CNTN5: variants seen among roughly 807,000 people sequenced by gnomAD.
The protein encoded by CNTN5 is contactin-5.
CNTN5 carries 77 observed loss-of-function variants against 129.1 expected under a neutral mutation model. The ratio of observed to expected loss-of-function variants is 0.60; its 90% CI spans 0.50 to 0.72. The LOEUF is 0.72. Among genes scored for constraint, CNTN5 ranks in the 30% least tolerant of loss-of-function variants. The pLI is 0.00. For synonymous variants in CNTN5, 509 were observed against 465.6 expected (o/e 1.09, Z -1.20); for missense variants, 1,478 against 1,328.8 (o/e 1.11, Z -1.75).
At chr11:99,297,347 A>G (rs1224850101) in intron 1 of CNTN5, among the ~76,000 whole-genome samples, 1 of 152,106 alleles carries the variant, frequency 6.6e-6, no homozygotes, top group Non-Finnish European at 1.5e-5. Context: ...TCATCTCTCA[A>G]GTTTCCCCTT....
intron 1 of CNTN5, among the ~76,000 whole-genome samples, chr11:99,113,001 T>C (rs1857873083): frequency 1.3e-5 from 2 of 152,066 alleles, no homozygotes. Context: ...AAAGTTCATG[T>C]CAAATCTAAA....
chr11:100,130,800 T>C (rs1946349770), intron 13 of CNTN5, among the ~76,000 whole-genome samples: 1 of 152,184 alleles, frequency 6.6e-6, no homozygotes, highest in African/African-American at 2.4e-5. Flanking sequence ...GTTAAAGAGA[T>C]GGCATGATCC....
intron 2 of CNTN5, among the ~76,000 whole-genome samples, chr11:99,530,900 G>T (rs113238743): frequency 0.26 from 38,935 of 152,048 alleles, 5,367 homozygotes; most frequent in Non-Finnish European, 0.31. Flanking sequence ...TCTTCCCACT[G>T]TTGGGCATGT....
chr11:100,069,001 A>G (rs6590574), intron 10 of CNTN5, among the ~76,000 whole-genome samples: 61,688 of 152,028 alleles, frequency 0.41, 12,797 homozygotes, highest in African/African-American at 0.48. Flanking sequence ...AATTTGGCTC[A>G]GTGTCTAGGA....
At chr11:99,636,784 G>A (rs1378139315) in intron 3 of CNTN5, among the ~76,000 whole-genome samples, 1 of 91,670 alleles carries the variant, frequency 1.1e-5, no homozygotes, top group Non-Finnish European at 2.8e-5. Flanking sequence ...GGAGGCCAAG[G>A]TGGGGGGATG....
At chr11:99,916,175 G>A (rs372105205) in intron 7 of CNTN5, 26 bp downstream of exon 7, 34 of 1,547,186 alleles carry the variant, frequency 2.2e-5, no homozygotes, top group Non-Finnish European at 2.9e-5. Context: ...ATTCTTTGCT[G>A]CTGCTGCTGC....
At chr11:99,638,613 A>G (rs572087870) in intron 3 of CNTN5, among the ~76,000 whole-genome samples, 17 of 152,324 alleles carry the variant, frequency 1.1e-4, no homozygotes, top group East Asian at 3.9e-4. Context: ...AAATATAACC[A>G]TTCCCAACGG....
intron 4 of CNTN5, chr11:99,844,628 T>C (rs1373147602): frequency 9.6e-6 from 5 of 521,120 alleles, no homozygotes; most frequent in Non-Finnish European, 1.7e-5. Context: ...GTTTTTTATG[T>C]ATTACACGTT....
intron 3 of CNTN5, among the ~76,000 whole-genome samples, chr11:99,727,322 A>AAAAAAAAAAAAAAAAG (rs1565466265): frequency 6.3e-5 from 8 of 126,812 alleles, no homozygotes; most frequent in East Asian, 2.9e-4. Flanking sequence ...CAAAAAAAAA[A>AAAAAAAAAAAAAAAAG]AAAAAAAAAA....
rs144242186 is a variant in CNTN5 at position 99,660,300 on chromosome 11, A to G, written c.55+104031A>G. 2.2e-3 allele frequency among the ~76,000 whole-genome samples: 339 copies of G among 152,266 alleles called. 1 individual carries two copies. Among genetic ancestry groups the G allele is most frequent in the African/African-American group, 7.5e-3 (310 of 41,560 alleles). Reference sequence around the variant, plus strand: ...GTACAAGCTAATTTATAGTGACAGAAAGCAAAATGTTGGTTGCCTAATGAT... The same window carrying G: ...GTACAAGCTAATTTATAGTGACAGAGAGCAAAATGTTGGTTGCCTAATGAT... On this transcript the variant is annotated intron_variant, in intron 3 of 24. Coordinates refer to ENST00000524871, the MANE Select transcript of CNTN5 (RefSeq NM_014361.4).
At chr11:99,561,287 G>A (rs1055508114) in intron 3 of CNTN5, among the ~76,000 whole-genome samples, 1 of 151,830 alleles carries the variant, frequency 6.6e-6, no homozygotes, top group Non-Finnish European at 1.5e-5. Flanking sequence ...GACAATTTCA[G>A]CAAATAAGTA....
intron 1 of CNTN5, among the ~76,000 whole-genome samples, chr11:99,033,284 GT>G: frequency 6.6e-6 from 1 of 152,094 alleles, no homozygotes; most frequent in Middle Eastern, 3.4e-3. Flanking sequence ...CTTTAAAGTA[GT>G]TTTTTCCAAT....
chr11:99,987,121 C>T (rs753403418), intron 8 of CNTN5, among the ~76,000 whole-genome samples: 1 of 151,912 alleles, frequency 6.6e-6, no homozygotes, highest in African/African-American at 2.4e-5. Flanking sequence ...ATGAAATATT[C>T]CCTAGCTCCT....
intron 7 of CNTN5, among the ~76,000 whole-genome samples, chr11:99,951,980 A>G (rs1021969075): frequency 6.6e-6 from 1 of 152,202 alleles, no homozygotes; most frequent in African/African-American, 2.4e-5. Context: ...CACACCAAGT[A>G]TCTTGTTGAG....
chr11:99,918,385 C>T (rs1289677055), intron 7 of CNTN5, among the ~76,000 whole-genome samples: 1 of 152,116 alleles, frequency 6.6e-6, no homozygotes, highest in African/African-American at 2.4e-5. Flanking sequence ...GTTATACAGA[C>T]TGCTGTCAAT....
chr11:100,131,279 C>A (rs538522651), intron 13 of CNTN5, among the ~76,000 whole-genome samples: 133 of 151,814 alleles, frequency 8.8e-4, no homozygotes, highest in African/African-American at 3.1e-3. Context: ...TGATGAAGAG[C>A]AAAGGAAAGA....
intron 2 of CNTN5, among the ~76,000 whole-genome samples, chr11:99,332,924 C>G (rs1246857634): frequency 6.6e-6 from 1 of 152,008 alleles, no homozygotes; most frequent in African/African-American, 2.4e-5. Flanking sequence ...TTAGCGCAAC[C>G]GTATTTCTTT....
At chr11:99,514,377 T>C (rs1591194874) in intron 2 of CNTN5, among the ~76,000 whole-genome samples, 1 of 152,144 alleles carries the variant, frequency 6.6e-6, no homozygotes, top group Admixed American at 6.6e-5. Flanking sequence ...GCATCAGGGT[T>C]TGAGAGGATT....
intron 13 of CNTN5, among the ~76,000 whole-genome samples, chr11:100,144,057 A>ATTAT (rs997967174): frequency 1.3e-5 from 2 of 152,158 alleles, no homozygotes; most frequent in African/African-American, 4.8e-5. Context: ...TAAAAACAAC[A>ATTAT]TTATTTCTAA....
Sources: allele counts gnomAD v4.1 joint callset (sites outside exome capture counted in the v4.1 genomes callset), GRCh38; gene constraint gnomAD v4.1.1; transcripts MANE v1.5; gene names NCBI Gene and HGNC (gene_info 2026-07-23, HGNC 2026-07-21).